FHIP2B: variants seen among roughly 807,000 people sequenced by gnomAD.
The protein encoded by FHIP2B is FHF complex subunit HOOK-interacting protein 2B.
Under a neutral mutation model 84.0 loss-of-function variants are expected in FHIP2B, and 72 were observed. The observed-to-expected ratio is 0.86, with a 90% CI of 0.71 to 1.04. The LOEUF (loss-of-function observed/expected upper bound fraction) is 1.04. Ranked by LOEUF, FHIP2B falls within the 50% of genes least tolerant of loss-of-function variation. The pLI is 0.00. For missense variants in FHIP2B, 972 were observed against 968.9 expected, an observed-to-expected ratio of 1.00 and a Z score of -0.04; for synonymous variants, 497 against 418.7, an observed-to-expected ratio of 1.19 and a Z score of -2.28.
At position 22,097,542 on chromosome 8, in the gene FHIP2B, G is replaced by A. The variant is rs539057832; in HGVS notation, c.324G>A (p.Val108=). 17 of 1,609,448 alleles carry A rather than the reference G, an allele frequency of 1.1e-5. No individual in the cohort carries two copies. In the South Asian group the frequency reaches 1.6e-4, roughly 15 times the overall value. The change falls in exon 4 of 17, where the codon GTG becomes GTA. Residue 108 remains valine (V), a synonymous_variant. Coordinates refer to ENST00000289921, the MANE Select transcript of FHIP2B (RefSeq NM_022749.7). ...AEYPPGMRQQ[V]FQFFSKVLAQ... ...ACCCCCCAGGCATGCGGCAGCAGGT[G>A]TTCCAGTTCTTCAGCAAGGTTCTGG...
intron 1 of FHIP2B, among the ~76,000 whole-genome samples, chr8:22,091,317 T>C (rs573779579): frequency 6.7e-6 from 1 of 148,380 alleles, no homozygotes; most frequent in Non-Finnish European, 1.5e-5. Context: ...AGTGGGGCGA[T>C]CTCAGCTGAC....
At position 22,099,207 on chromosome 8, in the gene FHIP2B, C is replaced by T. The variant is rs975055005; in HGVS notation, c.1075-77C>T. The stretch of plus-strand genomic sequence containing the variant: ...CGGGACCCTCTCCTGTGGCATCAGG[C>T]GCCGCGCAAGAACACGGTTATTTCT... On this transcript the variant is annotated intron_variant, in intron 8 of 16. Coordinates refer to ENST00000289921, the MANE Select transcript of FHIP2B (RefSeq NM_022749.7). The T allele has an allele frequency of 1.2e-5, 18 of 1,553,396 alleles. No homozygotes were observed. In the Admixed American group the frequency reaches 1.5e-4, roughly 13 times the overall value.
intron 1 of FHIP2B, among the ~76,000 whole-genome samples, chr8:22,090,087 T>C (rs1413850728): frequency 7.2e-6 from 1 of 138,168 alleles, no homozygotes; most frequent in Non-Finnish European, 1.5e-5. Flanking sequence ...GCAGGCAGCC[T>C]ACTACTAGGG....
chr8:22,090,373 G>A (rs1046095106), intron 1 of FHIP2B, among the ~76,000 whole-genome samples: 1 of 152,140 alleles, frequency 6.6e-6, no homozygotes, highest in African/African-American at 2.4e-5. Context: ...AGGCAAAGTT[G>A]GGAAGAAAGT....
chr8:22,099,535 TGGGCTAAACGAAGGCCTC>T (rs1391109407), intron 9 of FHIP2B, among the ~76,000 whole-genome samples, 151 bp from the exon 10 acceptor site: 5 of 152,178 alleles, frequency 3.3e-5, no homozygotes. Flanking sequence ...CTGAGCTACG[TGGGCTAAACGAAGGCCTC>T]CTACCCTTCC....
chr8:22,099,732 G>T lies in FHIP2B; in HGVS notation c.1180G>T (p.Ala394Ser). Reference protein sequence around the residue: ...VSEQSILTSTALLTAMLRQLR... With the variant: ...VSEQSILTSTSLLTAMLRQLR... ...CGAGCAGAGCATCTTGACCTCCACCGCCCTCCTCACAGCCATGCTGCGCCA... is the reference window on the plus strand; with the variant it reads ...CGAGCAGAGCATCTTGACCTCCACCTCCCTCCTCACAGCCATGCTGCGCCA... The change falls in exon 10 of 17, where the codon GCC (alanine) becomes TCC (serine). Residue 394 changes from alanine (A) to serine (S), a missense_variant. Coordinates refer to ENST00000289921, the MANE Select transcript of FHIP2B (RefSeq NM_022749.7). 1 of 1,596,788 alleles carries T rather than the reference G, an allele frequency of 6.3e-7. No homozygotes were observed.
rs1469708315 is a variant in FHIP2B, at chr8:22,099,379, C to G, written c.1151+19C>G. 6.2e-7 allele frequency: 1 copy of G among 1,611,706 alleles called. No individual in the cohort carries two copies. On this transcript the variant is annotated intron_variant, in intron 9 of 16. Coordinates refer to ENST00000289921, the MANE Select transcript of FHIP2B (RefSeq NM_022749.7). ...TGCACGTGTAAGTGTCTAGTTCCCTCAGGCATGACTGTGGTCTACAGTAAA... is the reference window on the plus strand; with the variant it reads ...TGCACGTGTAAGTGTCTAGTTCCCTGAGGCATGACTGTGGTCTACAGTAAA...
chr8:22,091,795 A>G (rs1023410300), intron 1 of FHIP2B, among the ~76,000 whole-genome samples: 1 of 152,232 alleles, frequency 6.6e-6, no homozygotes, highest in Non-Finnish European at 1.5e-5. Flanking sequence ...CACAGAAATT[A>G]TGAGATAATT....
chr8:22,102,192 G>A lies in FHIP2B; in HGVS notation c.1869G>A (p.Leu623=). The change falls in exon 15 of 17, where the codon CTG becomes CTA. Residue 623 remains leucine, a synonymous_variant. Transcript: ENST00000289921. ...RILDQPYSLN[L]QVTSVLSRLA... is the part of the protein sequence containing the mutation. ...TCCTACAGCCATACAGCCTGAACCTGCAGGTGACCTCGGTCCTGTCCCGGC... is the reference window on the plus strand; with the variant it reads ...TCCTACAGCCATACAGCCTGAACCTACAGGTGACCTCGGTCCTGTCCCGGC... 3 of 1,613,542 alleles carry A rather than the reference G, an allele frequency of 1.9e-6. No individual in the cohort carries two copies. The highest frequency in any genetic ancestry group is 2.5e-6 in the Non-Finnish European group (3 of 1,179,874).
chr8:22,102,670 G>A (rs1395174406), intron 16 of FHIP2B, 42 bp downstream of exon 16: 2 of 1,568,372 alleles, frequency 1.3e-6, no homozygotes, highest in Admixed American at 3.8e-5. Flanking sequence ...GGGTGGGAGA[G>A]TGGAAAGCGC....
chr8:22,097,518 C>T lies in FHIP2B; in HGVS notation c.300C>T (p.Tyr100=), dbSNP rs567893887. ...AGGCGCTCTGTCCCTGGCCTCAGTA[C>T]CCCCCAGGCATGCGGCAGCAGGTGT... ...ETLCTLGKAE[Y]PPGMRQQVFQ... is the part of the protein sequence containing the mutation. The change falls in exon 4 of 17, where the codon TAC becomes TAT. Residue 100 remains tyrosine (Y), a splice_region_variant and synonymous_variant. Transcript: ENST00000289921. The T allele has an allele frequency of 1.2e-6, 2 of 1,602,082 alleles. No homozygotes were observed. Among genetic ancestry groups the T allele is most frequent in the East Asian group, 2.3e-5 (1 of 44,252 alleles).
At chr8:22,093,304 A>G (rs1825589047) in intron 1 of FHIP2B, among the ~76,000 whole-genome samples, 1 of 143,608 alleles carries the variant, frequency 7.0e-6, no homozygotes, top group Non-Finnish European at 1.5e-5. Flanking sequence ...CTGCAAGAAA[A>G]GCGAAGGAAT....
At chr8:22,099,262 A>G (rs753312831) in intron 8 of FHIP2B, 22 bp from the exon 9 acceptor site, 2 of 1,612,500 alleles carry the variant, frequency 1.2e-6, no homozygotes, top group East Asian at 4.5e-5. Flanking sequence ...GGCAAAACAC[A>G]TTGGCGCTCT....
chr8:22,092,699 C>T (rs534217535), intron 1 of FHIP2B, among the ~76,000 whole-genome samples: 1 of 152,050 alleles, frequency 6.6e-6, no homozygotes, highest in East Asian at 1.9e-4. Flanking sequence ...GCCAGCCCAC[C>T]CCTTCCCCAG....
chr8:22,098,705 C>T (rs912271322), intron 7 of FHIP2B, 86 bp downstream of exon 7: 51 of 1,374,910 alleles, frequency 3.7e-5, no homozygotes, highest in Middle Eastern at 2.1e-4. Context: ...CCCTGGGGTT[C>T]CACGTTGCTA....
Position 22,096,378 on chromosome 8 carries a change from C to G in FHIP2B, c.166C>G (p.Leu56Val), listed in dbSNP as rs2131700514. 1.3e-6 allele frequency: 2 copies of G among 1,559,926 alleles called. No homozygotes were observed. Among genetic ancestry groups the G allele is most frequent in the Non-Finnish European group, 1.7e-6 (2 of 1,152,014 alleles). Residue 56 changes from leucine (L) to valine (V), a missense_variant, in exon 3 of 17, where the codon CTG (leucine) becomes GTG (valine). Leu to Val is a conservative substitution (Grantham distance 32). Transcript: ENST00000289921. ...PAKKTDIPWR[L>V]KQMLDILVYE... ...CAAGAAGACAGACATTCCCTGGCGG[C>G]TGAAGCAGATGCTGGATATCCTGGT...
At position 22,101,763 on chromosome 8, in the gene FHIP2B, C is replaced by T; in HGVS notation, c.1763C>T (p.Pro588Leu). The T allele has an allele frequency of 6.2e-7, 1 of 1,613,484 alleles. No individual in the cohort carries two copies. The highest frequency in any genetic ancestry group is 8.5e-7 in the Non-Finnish European group (1 of 1,179,804). The change falls in exon 14 of 17, where the codon CCT (proline) becomes CTT (leucine). Residue 588 changes from proline to leucine, a missense_variant. Pro to Leu is a moderately conservative substitution (Grantham distance 98). Transcript: ENST00000289921. ...ASWGWPLTPT[P>L]LDPHEPERPF... is the part of the protein sequence containing the mutation. ...TGGGGCTGGCCTCTGACCCCCACAC[C>T]TTTGGACCCCCATGAGCCCGAGCGA...
intron 14 of FHIP2B, 57 bp from the exon 15 acceptor site, chr8:22,102,118 T>C: frequency 6.2e-7 from 1 of 1,611,010 alleles, no homozygotes; most frequent in Non-Finnish European, 8.5e-7. Flanking sequence ...GCTGGGGGAG[T>C]GCAAAAATAC....
chr8:22,099,681 G>A lies in FHIP2B; in HGVS notation c.1152-23G>A, dbSNP rs779190221. 2.6e-6 allele frequency: 4 copies of A among 1,550,594 alleles called. No homozygotes were observed. In the South Asian group the frequency reaches 3.6e-5, roughly 14 times the overall value. On this transcript the variant is annotated intron_variant, in intron 9 of 16. Coordinates refer to ENST00000289921, the MANE Select transcript of FHIP2B (RefSeq NM_022749.7). ...GTGCTGTCTGCACACACCGGGCCTG[G>A]CTAAGGTGCCCTCTTCCCGTAGGTC...
Sources: gnomAD v4.1 joint callset for allele counts (sites outside exome capture counted in the v4.1 genomes callset) on GRCh38, gnomAD v4.1.1 for gene constraint, MANE v1.5 for transcripts, NCBI Gene and HGNC (gene_info 2026-07-23, HGNC 2026-07-21) for gene names.